The following MECOM variants were observed in gnomAD, a reference collection of about 807,000 sequenced individuals.
MECOM encodes MDS1 and EVI1 complex locus.
MECOM carries 13 observed loss-of-function variants against 116.3 expected under a neutral mutation model. That is an observed-to-expected ratio of 0.11 (90% confidence interval 0.07 to 0.18). MECOM has a LOEUF of 0.18. Ranked by LOEUF, MECOM falls within the 10% of genes least tolerant of loss-of-function variation. MECOM has a pLI of 1.00. For missense variants in MECOM, 1,299 were observed against 1,509.0 expected (o/e 0.86, Z 2.31); for synonymous variants, 528 against 535.2 (o/e 0.99, Z 0.19).
At chr3:169,464,743 C>T (rs1467394667) in intron 1 of MECOM, among the ~76,000 whole-genome samples, 5 of 152,074 alleles carry the variant, frequency 3.3e-5, no homozygotes, top group African/African-American at 1.2e-4. Context: ...CCTCTGTATA[C>T]AGCTATCCCA....
chr3:169,420,758 A>G (rs1739583758), intron 1 of MECOM, among the ~76,000 whole-genome samples: 1 of 152,162 alleles, frequency 6.6e-6, no homozygotes, highest in East Asian at 1.9e-4. Flanking sequence ...AACCAAGCCC[A>G]TAATTCCTAA....
intron 1 of MECOM, among the ~76,000 whole-genome samples, chr3:169,567,876 A>G (rs1458579130): frequency 3.3e-5 from 5 of 152,240 alleles, no homozygotes; most frequent in Non-Finnish European, 7.3e-5. Context: ...GACAAAATCA[A>G]AAGAGACAAT....
chr3:169,404,939 A>G lies in MECOM; in HGVS notation c.38-23415T>C, dbSNP rs9835929. On this transcript the variant is annotated intron_variant, in intron 1 of 16. Coordinates refer to ENST00000651503, the MANE Select transcript of MECOM (RefSeq NM_004991.4). ...CACTAAATAAAGCAATCAGGCCCTG[A>G]TATGGCCTCCTCTCTTTGACACACA... Among the ~76,000 whole-genome samples, 1,266 of 152,302 alleles carry G rather than the reference A, an allele frequency of 8.3e-3. 17 individuals carry two copies. The highest frequency in any genetic ancestry group is 0.029 in the African/African-American group (1,217 of 41,560).
intron 2 of MECOM, among the ~76,000 whole-genome samples, chr3:169,333,490 T>G (rs946878350): frequency 6.6e-6 from 1 of 151,998 alleles, no homozygotes; most frequent in African/African-American, 2.4e-5. Flanking sequence ...CCCAATTTGA[T>G]CTCTTCTTAT....
intron 1 of MECOM, among the ~76,000 whole-genome samples, chr3:169,540,398 C>A (rs529855282): frequency 6.6e-6 from 1 of 152,178 alleles, no homozygotes; most frequent in Non-Finnish European, 1.5e-5. Flanking sequence ...TGTTATCTCT[C>A]CCCTGCATTA....
chr3:169,243,800 A>G (rs954297622), intron 2 of MECOM, among the ~76,000 whole-genome samples: 3 of 152,214 alleles, frequency 2.0e-5, no homozygotes, highest in African/African-American at 4.8e-5. Context: ...TCCGGAGTTT[A>G]CTTAAACTCA....
intron 2 of MECOM, among the ~76,000 whole-genome samples, chr3:169,380,986 T>G (rs1319541289): frequency 1.3e-5 from 2 of 152,230 alleles, no homozygotes; most frequent in Admixed American, 1.3e-4. Context: ...TATATTAGGT[T>G]GGGTTCCCTC....
chr3:169,403,236 A>G (rs974199429), intron 1 of MECOM, among the ~76,000 whole-genome samples: 1 of 152,134 alleles, frequency 6.6e-6, no homozygotes, highest in African/African-American at 2.4e-5. Flanking sequence ...CCCAAAGGAG[A>G]TCTGATCCTT....
chr3:169,573,225 T>C (rs1049443184), intron 1 of MECOM, among the ~76,000 whole-genome samples: 10 of 152,188 alleles, frequency 6.6e-5, no homozygotes, highest in Admixed American at 4.6e-4. Flanking sequence ...ATAATAAAGA[T>C]TTCAAAAGGC....
intron 1 of MECOM, among the ~76,000 whole-genome samples, chr3:169,418,927 T>G (rs1486693287): frequency 3.9e-5 from 6 of 152,186 alleles, no homozygotes; most frequent in African/African-American, 1.4e-4. Context: ...AAACAAAGGA[T>G]ATTCAAATAG....
rs368981948 is a variant in MECOM at position 169,115,721 on chromosome 3, C to A, written c.2151G>T (p.Ser717=). ...ATTGGGGTTCCATTTTCAAAGGTAACGATCTCAAGTCTCTATCAGGAAATG... is the reference window on the plus strand; with the variant it reads ...ATTGGGGTTCCATTTTCAAAGGTAAAGATCTCAAGTCTCTATCAGGAAATG... ...MYPFPDRDLR[S]LPLKMEPQSP... The change falls in exon 8 of 17, where the codon TCG becomes TCT. Residue 717 remains serine, a synonymous_variant. Transcript: ENST00000651503. 7 of 1,613,906 alleles carry A rather than the reference C, an allele frequency of 4.3e-6. No homozygotes were observed. The African/African-American group carries it at 9.4e-5, about 22-fold the overall frequency.
intron 12 of MECOM, among the ~76,000 whole-genome samples, chr3:169,099,227 A>T (rs1177897775): frequency 1.3e-5 from 2 of 152,160 alleles, no homozygotes; most frequent in East Asian, 3.8e-4. Flanking sequence ...TAATAGAGCC[A>T]TTATTGGGTG....
intron 12 of MECOM, among the ~76,000 whole-genome samples, chr3:169,098,828 T>A (rs1722581087): frequency 6.6e-6 from 1 of 152,124 alleles, no homozygotes; most frequent in Non-Finnish European, 1.5e-5. Context: ...ACACTTGGCC[T>A]AAATAAACTT....
intron 1 of MECOM, among the ~76,000 whole-genome samples, chr3:169,510,659 C>T (rs989930102): frequency 3.3e-5 from 5 of 152,190 alleles, no homozygotes; most frequent in African/African-American, 1.2e-4. Context: ...AGGGTCACAT[C>T]GCAAGGATGT....
At chr3:169,208,225 GTGTA>G (rs1022277472) in intron 2 of MECOM, among the ~76,000 whole-genome samples, 7 of 149,958 alleles carry the variant, frequency 4.7e-5, no homozygotes, top group African/African-American at 1.5e-4. Flanking sequence ...GTGTGTGTGT[GTGTA>G]TATTTATATA....
intron 1 of MECOM, among the ~76,000 whole-genome samples, chr3:169,578,047 CGTT>C (rs1371288013): frequency 6.6e-6 from 1 of 151,836 alleles, no homozygotes; most frequent in Non-Finnish European, 1.5e-5. Flanking sequence ...AAAAAAAAGA[CGTT>C]GTTTTCTAAT....
intron 1 of MECOM, among the ~76,000 whole-genome samples, chr3:169,654,017 T>C (rs1449942817): frequency 6.6e-6 from 1 of 152,244 alleles, no homozygotes; most frequent in Non-Finnish European, 1.5e-5. Flanking sequence ...AACTCATTGA[T>C]AATGCTTATA....
intron 2 of MECOM, among the ~76,000 whole-genome samples, chr3:169,325,531 C>T (rs1281285829): frequency 6.6e-6 from 1 of 152,196 alleles, no homozygotes; most frequent in Non-Finnish European, 1.5e-5. Context: ...AGCATCTTAA[C>T]ACCAACAAAC....
At chr3:169,124,136 C>A (rs1326069588) in intron 5 of MECOM, among the ~76,000 whole-genome samples, 1 of 152,016 alleles carries the variant, frequency 6.6e-6, no homozygotes, top group Non-Finnish European at 1.5e-5. Flanking sequence ...CATTATGTGA[C>A]TTCGGGTAGA....
Sources: allele counts gnomAD v4.1 joint callset (sites outside exome capture counted in the v4.1 genomes callset), GRCh38; gene constraint gnomAD v4.1.1; transcripts MANE v1.5; gene names NCBI Gene and HGNC (gene_info 2026-07-23, HGNC 2026-07-21).